THSD7A: variants seen among roughly 807,000 people sequenced by gnomAD.
THSD7A encodes the protein thrombospondin type 1 domain containing 7A.
Under a neutral mutation model 231.3 loss-of-function variants are expected in THSD7A, and 96 were observed. That is an observed-to-expected ratio of 0.41 (90% CI 0.35 to 0.49). THSD7A has a LOEUF of 0.49. Among genes scored for constraint, THSD7A ranks in the 20% least tolerant of loss-of-function variants. THSD7A has a pLI of 0.05. For missense variants in THSD7A, 2,290 were observed against 2,070.2 expected (o/e 1.11, Z -2.06); for synonymous variants, 940 against 743.3 (o/e 1.26, Z -4.30).
At chr7:11,443,249 A>G (rs1045871158) in intron 13 of THSD7A, among the ~76,000 whole-genome samples, 2 of 152,086 alleles carry the variant, frequency 1.3e-5, no homozygotes, top group Non-Finnish European at 2.9e-5. Context: ...GTGAGCAAAC[A>G]CTTATGTGCT....
intron 24 of THSD7A, among the ~76,000 whole-genome samples, chr7:11,380,526 G>T (rs529870234): frequency 6.6e-6 from 1 of 152,242 alleles, no homozygotes; most frequent in South Asian, 2.1e-4. Flanking sequence ...AATTGTCTGT[G>T]TTTCTCTCAA....
At chr7:11,447,994 T>A (rs1376646146) in intron 11 of THSD7A, among the ~76,000 whole-genome samples, 1 of 152,080 alleles carries the variant, frequency 6.6e-6, no homozygotes, top group East Asian at 1.9e-4. Context: ...GTTCACTGTA[T>A]TACATTTCAA....
intron 1 of THSD7A, chr7:11,821,027 G>C: frequency 1.0e-6 from 1 of 987,780 alleles, no homozygotes; most frequent in Non-Finnish European, 1.6e-6. Flanking sequence ...CAGGTTTTCT[G>C]GGACTTTTCA....
intron 4 of THSD7A, among the ~76,000 whole-genome samples, chr7:11,544,012 T>C (rs758159626): frequency 6.6e-6 from 1 of 152,242 alleles, no homozygotes; most frequent in Non-Finnish European, 1.5e-5. Flanking sequence ...TCTGTCTGTC[T>C]ATCTCCTGAT....
intron 1 of THSD7A, among the ~76,000 whole-genome samples, chr7:11,780,517 C>T (rs2128174405): frequency 6.6e-6 from 1 of 152,188 alleles, no homozygotes; most frequent in South Asian, 2.1e-4. Context: ...AGGTCTTCAG[C>T]CGACAGCCAG....
rs1260162246 is a variant in THSD7A, at chr7:11,636,515, C to G, written c.637G>C (p.Gly213Arg). ...WSECSKTCGS[G>R]LQHRTRHVVA... ...ACATGACGCGTCCGGTGCTGGAGCC[C>G]GCTGCCGCAGGTCTTGGAGCATTCG... Residue 213 changes from glycine to arginine, a missense_variant, in exon 2 of 28, where the codon GGG becomes CGG. Coordinates refer to ENST00000423059, the MANE Select transcript of THSD7A (RefSeq NM_015204.3). The surrounding 1 kb of genome is among the most constrained non-coding windows in gnomAD (Gnocchi z 10.0). 9 of 1,613,886 alleles carry G rather than the reference C, an allele frequency of 5.6e-6. No homozygotes were observed. Among genetic ancestry groups the G allele is most frequent in the Non-Finnish European group, 7.6e-6 (9 of 1,179,876 alleles).
chr7:11,503,038 C>T (rs1787400695), intron 6 of THSD7A, among the ~76,000 whole-genome samples: 1 of 152,128 alleles, frequency 6.6e-6, no homozygotes, highest in African/African-American at 2.4e-5. Context: ...AAGCTGAGGG[C>T]ATCACATTCC....
At chr7:11,601,819 ATCT>A (rs1395202010) in intron 2 of THSD7A, among the ~76,000 whole-genome samples, 2 of 152,152 alleles carry the variant, frequency 1.3e-5, no homozygotes, top group Non-Finnish European at 2.9e-5. Context: ...ACTCTCAATA[ATCT>A]TCTTATCTGG....
chr7:11,668,475 GAAAGACA>G (rs1562459469), intron 1 of THSD7A, among the ~76,000 whole-genome samples: 10 of 37,750 alleles, frequency 2.6e-4, no homozygotes, highest in African/African-American at 1.3e-3. Flanking sequence ...AAGAAAAAAA[GAAAGACA>G]GAAAGAAAGA....
chr7:11,735,133 G>A (rs572902182), intron 1 of THSD7A, among the ~76,000 whole-genome samples: 1 of 151,892 alleles, frequency 6.6e-6, no homozygotes, highest in South Asian at 2.1e-4. Context: ...AGTACTCTTG[G>A]AGTGTCACCA....
chr7:11,405,616 T>C (rs528842023), intron 22 of THSD7A, among the ~76,000 whole-genome samples: 190 of 152,314 alleles, frequency 1.2e-3, no homozygotes, highest in African/African-American at 4.3e-3. Context: ...AATTCATAAA[T>C]ATTAGCTTAT....
chr7:11,465,851 T>C (rs1011308282), intron 9 of THSD7A, among the ~76,000 whole-genome samples: 8 of 152,144 alleles, frequency 5.3e-5, no homozygotes, highest in Admixed American at 1.3e-4. Context: ...TTTTTTAAAA[T>C]TAGAGGTACA....
At position 11,732,294 on chromosome 7, in the gene THSD7A, G is replaced by T. The variant is rs10499408; in HGVS notation, c.191-95333C>A. Among the ~76,000 whole-genome samples the T allele has an allele frequency of 6.6e-3, 1,000 of 151,826 alleles. 6 individuals are homozygous for T. The highest frequency in any genetic ancestry group is 0.023 in the African/African-American group (951 of 41,518). On this transcript the variant is annotated intron_variant, in intron 1 of 27. Coordinates refer to ENST00000423059, the MANE Select transcript of THSD7A (RefSeq NM_015204.3). ...CATGCATTACTTCAAGTATGAAAAT[G>T]CCTAATCTTAAAATGTAAATAGATG...
chr7:11,629,724 A>T (rs1781587178), intron 2 of THSD7A, among the ~76,000 whole-genome samples: 1 of 152,206 alleles, frequency 6.6e-6, no homozygotes, highest in Non-Finnish European at 1.5e-5. Flanking sequence ...TAGGCACTGC[A>T]TAGAAATTCA....
At chr7:11,597,834 A>C (rs1403618965) in intron 2 of THSD7A, among the ~76,000 whole-genome samples, 6 of 152,182 alleles carry the variant, frequency 3.9e-5, no homozygotes, top group African/African-American at 1.4e-4. Flanking sequence ...CAGGTCCTGA[A>C]GGCACAAGTA....
intron 4 of THSD7A, among the ~76,000 whole-genome samples, chr7:11,557,345 G>T (rs961708064): frequency 6.6e-6 from 1 of 151,828 alleles, no homozygotes; most frequent in African/African-American, 2.4e-5. Context: ...CAATTAATTT[G>T]CTGAAGATTT....
At chr7:11,600,534 G>A (rs535455090) in intron 2 of THSD7A, among the ~76,000 whole-genome samples, 2 of 152,094 alleles carry the variant, frequency 1.3e-5, no homozygotes, top group Non-Finnish European at 2.9e-5. Flanking sequence ...TGGTATGGAC[G>A]TCATCAATTG....
intron 25 of THSD7A, 162 bp from the exon 26 acceptor site, chr7:11,379,442 T>C: frequency 1.2e-6 from 1 of 857,062 alleles, no homozygotes; most frequent in Admixed American, 2.8e-5. Flanking sequence ...TTTGGCATTA[T>C]ATGAAAATGT....
At chr7:11,508,495 G>A (rs533906804) in intron 6 of THSD7A, among the ~76,000 whole-genome samples, 1 of 152,270 alleles carries the variant, frequency 6.6e-6, no homozygotes, top group Admixed American at 6.5e-5. Flanking sequence ...CATTATTGAT[G>A]AGAATACAAA....
Sources: gnomAD v4.1 joint callset for allele counts (sites outside exome capture counted in the v4.1 genomes callset) on GRCh38, gnomAD v4.1.1 for gene constraint, Gnocchi (gnomAD v3.1) non-coding constraint, MANE v1.5 for transcripts, NCBI Gene and HGNC (gene_info 2026-07-23, HGNC 2026-07-21) for gene names.